Variants in F2R observed in about 807,000 individuals in gnomAD.
F2R encodes the protein proteinase-activated receptor 1.
Under a neutral mutation model 18.3 loss-of-function variants are expected in F2R, and 12 were observed. The observed-to-expected ratio is 0.66, with a 90% confidence interval of 0.42 to 1.06. The LOEUF is 1.06. Ranked by LOEUF, F2R falls within the 50% of genes least tolerant of loss-of-function variation. The probability of loss-of-function intolerance (pLI) is 0.00; values close to 1 mark genes in which losing one functional copy is unlikely to be tolerated. For synonymous variants in F2R, 210 were observed against 219.9 expected, an observed-to-expected ratio of 0.95 and a Z score of 0.40; for missense variants, 438 against 530.8, an observed-to-expected ratio of 0.83 and a Z score of 1.72.
chr5:76,728,569 A>C (rs1295761714), intron 1 of F2R, among the ~76,000 whole-genome samples: 1 of 151,978 alleles, frequency 6.6e-6, no homozygotes. Context: ...GTGTATATAC[A>C]TCATATTTTT....
chr5:76,716,828 G>GT (rs774558780), intron 1 of F2R: 23 of 524,312 alleles, frequency 4.4e-5, no homozygotes, highest in Non-Finnish European at 6.7e-5. Context: ...TTTGTTGGAA[G>GT]TTTTTTTCTT....
intron 1 of F2R, among the ~76,000 whole-genome samples, chr5:76,730,788 C>T (rs537002899): frequency 6.6e-6 from 1 of 152,320 alleles, no homozygotes; most frequent in East Asian, 1.9e-4. Flanking sequence ...CCACACTATA[C>T]ATTGGGAGTT....
intron 1 of F2R, among the ~76,000 whole-genome samples, chr5:76,725,139 G>A (rs1056682739): frequency 3.3e-5 from 5 of 152,192 alleles, no homozygotes; most frequent in African/African-American, 1.2e-4. Context: ...TGCTGGTGTG[G>A]TATAAATCCC....
intron 1 of F2R, 23 bp from the exon 2 acceptor site, chr5:76,732,291 A>AT (rs1748681838): frequency 3.9e-6 from 6 of 1,544,860 alleles, no homozygotes; most frequent in Non-Finnish European, 3.5e-6. Flanking sequence ...TACATTTAAA[A>AT]TTTTTTTAAT....
chr5:76,726,345 C>T (rs1175673718), intron 1 of F2R, among the ~76,000 whole-genome samples: 1 of 152,032 alleles, frequency 6.6e-6, no homozygotes, highest in African/African-American at 2.4e-5. Context: ...TCCTGGCTAA[C>T]ACGGTGAAAC....
intron 1 of F2R, among the ~76,000 whole-genome samples, chr5:76,722,465 T>C (rs1267743731): frequency 6.6e-6 from 1 of 152,164 alleles, no homozygotes; most frequent in Non-Finnish European, 1.5e-5. Context: ...CCCACACACT[T>C]TCCTTATGTA....
rs2150583900 is a variant in F2R at position 76,732,959 on chromosome 5, A to G, written c.734A>G (p.Gln245Arg). ...CTGCTCCTCAAGGAGCAAACCATCC[A>G]GGTGCCCGGGCTCAACATCACTACC... ...VPLLLKEQTI[Q>R]VPGLNITTCH... Residue 245 changes from glutamine to arginine, a missense_variant, in exon 2 of 2, where the codon CAG becomes CGG. Gln to Arg is a conservative substitution (Grantham distance 43, BLOSUM62 1). Transcript: ENST00000319211. 1 of 1,614,158 alleles carries G rather than the reference A, an allele frequency of 6.2e-7. No homozygotes were observed. The highest frequency in any genetic ancestry group is 1.1e-5 in the South Asian group (1 of 91,080).
intron 1 of F2R, among the ~76,000 whole-genome samples, chr5:76,717,814 C>A (rs1748374281): frequency 6.6e-6 from 1 of 152,188 alleles, no homozygotes; most frequent in Admixed American, 6.5e-5. Context: ...AAATGCTGCA[C>A]CCTTTCTCAC....
At chr5:76,731,261 T>C (rs1358361495) in intron 1 of F2R, among the ~76,000 whole-genome samples, 1 of 152,200 alleles carries the variant, frequency 6.6e-6, no homozygotes, top group East Asian at 1.9e-4. Flanking sequence ...GTCATGGACA[T>C]TGGCCGTAGA....
intron 1 of F2R, 109 bp from the exon 2 acceptor site, chr5:76,732,205 C>T (rs1339680734): frequency 3.7e-6 from 3 of 809,802 alleles, no homozygotes; most frequent in South Asian, 1.9e-5. Context: ...CACCCACTCT[C>T]CTAGTAAGAA....
intron 1 of F2R, among the ~76,000 whole-genome samples, chr5:76,726,741 G>A (rs909401143): frequency 3.9e-4 from 59 of 152,044 alleles, no homozygotes; most frequent in African/African-American, 1.4e-3. Context: ...TTTTGCATAT[G>A]CATGTTTTTG....
At chr5:76,726,428 G>A (rs551745472) in intron 1 of F2R, among the ~76,000 whole-genome samples, 59 of 152,276 alleles carry the variant, frequency 3.9e-4, no homozygotes, top group Non-Finnish European at 2.9e-5. Context: ...CTACTAGGGA[G>A]GCTGAGGCAA....
chr5:76,733,689 C>A lies in F2R; in HGVS notation c.*186C>A. On this transcript the variant is annotated 3_prime_UTR_variant, in exon 2 of 2. Coordinates refer to ENST00000319211, the MANE Select transcript of F2R (RefSeq NM_001992.5). ...GTCAATTACCAGAAAGATAACAGGA[C>A]GAGATGACGGTGTTATTCCAAGGGA... 3.4e-6 allele frequency: 2 copies of A among 580,768 alleles called. No individual in the cohort carries two copies. The highest frequency in any genetic ancestry group is 6.1e-6 in the Non-Finnish European group (2 of 329,496). The allele number at this position is 580,768 out of a possible 1,614,324, so 36.0% of individuals were successfully genotyped here.
Position 76,716,203 on chromosome 5 carries a change from C to A in F2R, c.-105C>A. The A allele has an allele frequency of 1.1e-6, 1 of 909,544 alleles. No individual in the cohort carries two copies. The highest frequency in any genetic ancestry group is 1.5e-6 in the Non-Finnish European group (1 of 674,386). The allele number at this position is 909,544 out of a possible 1,614,324, so 56.3% of individuals were successfully genotyped here. A position where few individuals can be genotyped will look rare whatever the true frequency, so the allele number is the denominator to read the frequency against. ...CGTGGGCACCCTGCGCTCTGCCTGC[C>A]GCGAAGACCGGCTCCCCGACCCGCA... On this transcript the variant is annotated 5_prime_UTR_variant, in exon 1 of 2. Coordinates refer to ENST00000319211, the MANE Select transcript of F2R (RefSeq NM_001992.5).
rs58133545 is a variant in F2R at position 76,730,161 on chromosome 5, A to T, written c.89-2153A>T. On this transcript the variant is annotated intron_variant, in intron 1 of 1. Coordinates refer to ENST00000319211, the MANE Select transcript of F2R (RefSeq NM_001992.5). ...TAATTTGGTTTTACTCAAGCAGCAG[A>T]CTCTTTCTCTCTTGAGCAGAAGCTT... Among the ~76,000 whole-genome samples the T allele has an allele frequency of 9.1e-3, 1,390 of 152,090 alleles. 16 individuals carry two copies. The highest frequency in any genetic ancestry group is 0.031 in the African/African-American group (1,270 of 41,464).
rs371882526 is a variant in F2R, at chr5:76,733,523, G to A, written c.*20G>A. On this transcript the variant is annotated 3_prime_UTR_variant, in exon 2 of 2. Coordinates refer to ENST00000319211, the MANE Select transcript of F2R (RefSeq NM_001992.5). ...ACTTAGGAAAAGGGACTGCTGGGAGGTTAAAAAGAAAAGTTTATAAAAGTG... is the reference window on the plus strand; with the variant it reads ...ACTTAGGAAAAGGGACTGCTGGGAGATTAAAAAGAAAAGTTTATAAAAGTG... The A allele has an allele frequency of 6.4e-4, 1,007 of 1,564,706 alleles. No individual in the cohort carries two copies. Among genetic ancestry groups the A allele is most frequent in the Non-Finnish European group, 8.0e-4 (928 of 1,157,918 alleles).
chr5:76,716,925 C>T lies in F2R; in HGVS notation c.88+530C>T, dbSNP rs1580886977. 3 of 469,412 alleles carry T rather than the reference C, an allele frequency of 6.4e-6. No individual in the cohort carries two copies. The East Asian group carries it at 1.0e-4, about 16-fold the overall frequency. 29.1% of individuals were successfully genotyped at this position (469,412 alleles called of 1,614,324 possible). ...TAGCAGAGAATCAGTACCAGCAGCC[C>T]CCGGCCCGGCCTTGTGTCCAGGAGG... On this transcript the variant is annotated intron_variant, in intron 1 of 1. Transcript: ENST00000319211.
chr5:76,719,749 A>G (rs1748412417), intron 1 of F2R, among the ~76,000 whole-genome samples: 2 of 152,202 alleles, frequency 1.3e-5, no homozygotes, highest in Admixed American at 6.5e-5. Flanking sequence ...GTATGGATTT[A>G]CCTATTTTTG....
rs558049790 is a variant in F2R at position 76,730,725 on chromosome 5, C to T, written c.89-1589C>T. Among the ~76,000 whole-genome samples, 6 of 152,318 alleles carry T rather than the reference C, an allele frequency of 3.9e-5. No individual in the cohort carries two copies. The East Asian group carries it at 5.8e-4, about 15-fold the overall frequency. Reference sequence around the variant, plus strand: ...ACAGATTAAGGGCTCAGTTTCACAACGCTGCCTTCCACTTCAAATGGCAGT... The same window carrying T: ...ACAGATTAAGGGCTCAGTTTCACAATGCTGCCTTCCACTTCAAATGGCAGT... On this transcript the variant is annotated intron_variant, in intron 1 of 1. Transcript: ENST00000319211.
Sources: allele counts gnomAD v4.1 joint callset (sites outside exome capture counted in the v4.1 genomes callset), GRCh38; gene constraint gnomAD v4.1.1; transcripts MANE v1.5; gene names NCBI Gene and HGNC (gene_info 2026-07-23, HGNC 2026-07-21).